Variants in KLHL25 observed in about 807,000 individuals in gnomAD.
KLHL25 encodes kelch like family member 25.
Under a neutral mutation model 30.0 loss-of-function variants are expected in KLHL25, and 41 were observed. The ratio of observed to expected loss-of-function variants is 1.37; its 90% CI spans 1.07 to 1.78. The LOEUF is 1.78. Ranked by LOEUF, KLHL25 falls within the 40% of genes most tolerant of loss-of-function variation. The probability of loss-of-function intolerance (pLI) is 0.00; values close to 1 mark genes in which losing one functional copy is unlikely to be tolerated. For missense variants in KLHL25, 971 were observed against 824.5 expected (o/e 1.18, Z -2.18); for synonymous variants, 399 against 355.3 (o/e 1.12, Z -1.38).
chr15:85,777,718 G>C (rs1487995702), intron 1 of KLHL25, among the ~76,000 whole-genome samples: 2 of 152,188 alleles, frequency 1.3e-5, no homozygotes, highest in Non-Finnish European at 2.9e-5. Context: ...CACTCCAGAG[G>C]AACGGGTCAG....
At chr15:85,792,542 C>G (rs1315476151) in intron 1 of KLHL25, among the ~76,000 whole-genome samples, 1 of 152,100 alleles carries the variant, frequency 6.6e-6, no homozygotes, top group Non-Finnish European at 1.5e-5. Context: ...CCCAGGACCC[C>G]CAGAGAAGAG....
intron 1 of KLHL25, among the ~76,000 whole-genome samples, chr15:85,783,216 T>G (rs930082468): frequency 5.9e-5 from 9 of 152,106 alleles, no homozygotes; most frequent in African/African-American, 1.9e-4. Context: ...TTCTCCTGCT[T>G]CAGCCTCCCA....
intron 1 of KLHL25, chr15:85,770,600 G>A (rs2089664880): frequency 1.9e-6 from 1 of 528,122 alleles, no homozygotes; most frequent in Non-Finnish European, 3.9e-6. Flanking sequence ...TTGGAGGTGG[G>A]GCCGCCAGTG....
At chr15:85,774,348 T>C (rs1312681009) in intron 1 of KLHL25, among the ~76,000 whole-genome samples, 1 of 152,220 alleles carries the variant, frequency 6.6e-6, no homozygotes, top group African/African-American at 2.4e-5. Context: ...TGGATCCACC[T>C]TGGACATCGC....
intron 1 of KLHL25, 149 bp from the exon 2 acceptor site, chr15:85,769,969 T>C (rs2542598): frequency 0.96 from 631,931 of 657,922 alleles, 303,595 homozygotes; most frequent in East Asian, 1. Context: ...GCAACCACGT[T>C]GCCAAGGACA....
intron 1 of KLHL25, among the ~76,000 whole-genome samples, chr15:85,774,213 CAT>C (rs2089695483): frequency 6.6e-6 from 1 of 152,136 alleles, no homozygotes; most frequent in South Asian, 2.1e-4. Context: ...TCGCTCTGCA[CAT>C]ATCACAGAAT....
Position 85,768,974 on chromosome 15 carries a change from A to G in KLHL25, c.837T>C (p.Asn279=). The G allele has an allele frequency of 6.2e-7, 1 of 1,613,040 alleles. No individual in the cohort carries two copies. The highest frequency in any genetic ancestry group is 1.1e-5 in the South Asian group (1 of 91,080). Residue 279 remains asparagine, a synonymous_variant, in exon 2 of 3, where the codon AAT becomes AAC. Coordinates refer to ENST00000337975, the MANE Select transcript of KLHL25 (RefSeq NM_022480.4). ...ALRCKTRILQ[N]DGVVTSPCAR... ...CACAGGGGCTGGTGACCACGCCATC[A>G]TTCTGCAGGATCCTGGTCTTGCAGC...
chr15:85,759,573 G>T lies in KLHL25; in HGVS notation c.*1463C>A, dbSNP rs2089565747. The T allele has an allele frequency of 6.6e-6, 1 of 152,266 alleles. No individual in the cohort carries two copies. The highest frequency in any genetic ancestry group is 1.5e-5 in the Non-Finnish European group (1 of 68,054). The allele number at this position is 152,266 out of a possible 1,614,324, so 9.4% of individuals were successfully genotyped here. A position where few individuals can be genotyped will look rare whatever the true frequency, so the allele number is the denominator to read the frequency against. On this transcript the variant is annotated 3_prime_UTR_variant, in exon 3 of 3. Coordinates refer to ENST00000337975, the MANE Select transcript of KLHL25 (RefSeq NM_022480.4). ...GCCTGACACAGGCGGGGTCTGCTGG[G>T]TCTACAGGGTCCAAGGAGCCCCATG...
rs2089650481 is a variant in KLHL25 at position 85,769,244 on chromosome 15, G to A, written c.567C>T (p.Ser189=). The A allele has an allele frequency of 6.2e-7, 1 of 1,613,848 alleles. No individual in the cohort carries two copies. The highest frequency in any genetic ancestry group is 8.5e-7 in the Non-Finnish European group (1 of 1,180,036). The change falls in exon 2 of 3, where the codon TCC becomes TCT. Residue 189 remains serine (S), a synonymous_variant. Transcript: ENST00000337975. ...AGATGAGGTCCAGCAGTGTGTCCTTGGACAGGCTGTTGAAGTCCTCGCTCT... is the reference window on the plus strand; with the variant it reads ...AGATGAGGTCCAGCAGTGTGTCCTTAGACAGGCTGTTGAAGTCCTCGCTCT... ...VRQSEDFNSL[S]KDTLLDLISS...
intron 2 of KLHL25, among the ~76,000 whole-genome samples, chr15:85,765,375 C>G (rs1393828062): frequency 6.6e-6 from 1 of 152,002 alleles, no homozygotes; most frequent in Non-Finnish European, 1.5e-5. Context: ...CCTGTAATCC[C>G]AGCACTTTGG....
At chr15:85,784,224 A>G (rs1370275716) in intron 1 of KLHL25, among the ~76,000 whole-genome samples, 1 of 152,186 alleles carries the variant, frequency 6.6e-6, no homozygotes, top group African/African-American at 2.4e-5. Context: ...GATCTAGTCA[A>G]TAAGCCCCTT....
At chr15:85,781,817 G>GT (rs1055824356) in intron 1 of KLHL25, among the ~76,000 whole-genome samples, 5 of 151,938 alleles carry the variant, frequency 3.3e-5, no homozygotes, top group African/African-American at 1.2e-4. Context: ...ACTAACCACT[G>GT]TTTTTTTTAA....
At chr15:85,765,327 A>G (rs1459913637) in intron 2 of KLHL25, among the ~76,000 whole-genome samples, 1 of 91,228 alleles carries the variant, frequency 1.1e-5, no homozygotes, top group Non-Finnish European at 2.3e-5. Context: ...TAAAGACAGC[A>G]GATTAAAAAA....
intron 1 of KLHL25, among the ~76,000 whole-genome samples, chr15:85,791,212 A>C (rs1013491787): frequency 9.9e-5 from 15 of 150,818 alleles, no homozygotes; most frequent in African/African-American, 3.7e-4. Flanking sequence ...AAAAAAGAAA[A>C]ATGCCAGGCA....
chr15:85,768,189 T>C lies in KLHL25; in HGVS notation c.1622A>G (p.Tyr541Cys), dbSNP rs766605194. ...GGTCCCAAAGTAGCCCCCGACCACA[T>C]AGAGCTTGTTGCCGGAAGCCAGGGC... ...CHALASGNKLYVVGGYFGTQR... is the reference protein window; with the variant it reads ...CHALASGNKLCVVGGYFGTQR... The change falls in exon 2 of 3, where the codon TAT becomes TGT. Residue 541 changes from tyrosine to cysteine, a missense_variant. Transcript: ENST00000337975. 3.3e-5 allele frequency: 54 copies of C among 1,614,046 alleles called. No homozygotes were observed. The highest frequency in any genetic ancestry group is 8.9e-5 in the East Asian group (4 of 44,890).
chr15:85,772,182 C>T lies in KLHL25; in HGVS notation c.-10-2362G>A, dbSNP rs544313702. Among the ~76,000 whole-genome samples, 5 of 152,190 alleles carry T rather than the reference C, an allele frequency of 3.3e-5. 1 individual carries two copies. In the South Asian group the frequency reaches 6.2e-4, roughly 19 times the overall value. On this transcript the variant is annotated intron_variant, in intron 1 of 2. Transcript: ENST00000337975. ...CATTTGTTGCCTCTGGTCTGCAGACCGTGCTGGGGGAAACGTGGAGAGCCA... is the reference window on the plus strand; with the variant it reads ...CATTTGTTGCCTCTGGTCTGCAGACTGTGCTGGGGGAAACGTGGAGAGCCA...
At chr15:85,765,818 G>T (rs1378510434) in intron 2 of KLHL25, among the ~76,000 whole-genome samples, 12 of 136,570 alleles carry the variant, frequency 8.8e-5, no homozygotes, top group Non-Finnish European at 1.6e-4. Context: ...GTGACAGAGC[G>T]AGACTGTCTC....
Position 85,769,491 on chromosome 15 carries a change from G to C in KLHL25, c.320C>G (p.Ser107Cys). The change falls in exon 2 of 3, where the codon TCC becomes TGC. Residue 107 changes from serine (S) to cysteine (C), a missense_variant. Physicochemically the swap from Ser to Cys is moderately radical, Grantham distance 112 (BLOSUM62 -1). Coordinates refer to ENST00000337975, the MANE Select transcript of KLHL25 (RefSeq NM_022480.4). Reference protein sequence around the residue: ...VLELLLDFAYSSRIAINEENA... With the variant: ...VLELLLDFAYCSRIAINEENA... Reference sequence around the variant, plus strand: ...CTCCTCGTTGATGGCGATGCGTGAGGAGTAGGCAAAGTCCAGCAGCAGCTC... The same window carrying C: ...CTCCTCGTTGATGGCGATGCGTGAGCAGTAGGCAAAGTCCAGCAGCAGCTC... 1 of 1,614,030 alleles carries C rather than the reference G, an allele frequency of 6.2e-7. No homozygotes were observed. The highest frequency in any genetic ancestry group is 8.5e-7 in the Non-Finnish European group (1 of 1,180,040).
chr15:85,782,683 G>A (rs1329544060), intron 1 of KLHL25, among the ~76,000 whole-genome samples: 1 of 152,098 alleles, frequency 6.6e-6, no homozygotes, highest in Non-Finnish European at 1.5e-5. Context: ...ACTGAAATCT[G>A]AGCACCTACA....
Sources: allele counts gnomAD v4.1 joint callset (sites outside exome capture counted in the v4.1 genomes callset), GRCh38; gene constraint gnomAD v4.1.1; transcripts MANE v1.5; gene names NCBI Gene and HGNC (gene_info 2026-07-23, HGNC 2026-07-21).